Variants in AFAP1L2 observed in about 807,000 individuals in gnomAD.
The protein encoded by AFAP1L2 is actin filament-associated protein 1-like 2.
Under a neutral mutation model 99.3 loss-of-function variants are expected in AFAP1L2, and 46 were observed. That is an observed-to-expected ratio of 0.46 (90% CI 0.37 to 0.59). The LOEUF (loss-of-function observed/expected upper bound fraction) is 0.59, where lower values mean the gene tolerates loss of function less well. Among genes scored for constraint, AFAP1L2 ranks in the 20% least tolerant of loss-of-function variants. The pLI is 0.00. For synonymous variants in AFAP1L2, 397 were observed against 419.1 expected (o/e 0.95, Z 0.64); for missense variants, 959 against 1,034.9 (o/e 0.93, Z 1.01).
At chr10:114,384,112 C>T (rs930074591) in intron 1 of AFAP1L2, among the ~76,000 whole-genome samples, 27 of 152,186 alleles carry the variant, frequency 1.8e-4, no homozygotes, top group Admixed American at 1.6e-3. Context: ...GTGACAACTG[C>T]AGAGGGTTTT....
intron 4 of AFAP1L2, among the ~76,000 whole-genome samples, chr10:114,325,391 C>T (rs945140765): frequency 6.6e-6 from 1 of 152,146 alleles, no homozygotes; most frequent in Admixed American, 6.5e-5. Context: ...CGAAGAGGAT[C>T]GACCCTGTCG....
chr10:114,285,883 A>C, the AFAP1L2 span: 1 of 1,495,868 alleles, frequency 6.7e-7, no homozygotes, highest in Non-Finnish European at 9.0e-7. Context: ...CGGGTGGGAC[A>C]GCTCGCATGC....
chr10:114,302,210 A>G lies in AFAP1L2; in HGVS notation c.1430+129T>C, dbSNP rs758583704. On this transcript the variant is annotated intron_variant, in intron 12 of 18. Transcript: ENST00000304129. ...CCTGAGGGCTACTCCTTGGCTTCACATTTTCCTGCTGCTGGGCAGAGTGGG... is the reference window on the plus strand; with the variant it reads ...CCTGAGGGCTACTCCTTGGCTTCACGTTTTCCTGCTGCTGGGCAGAGTGGG... The G allele has an allele frequency of 3.1e-5, 42 of 1,369,722 alleles. 1 individual carries two copies. The highest frequency in any genetic ancestry group is 3.8e-5 in the Non-Finnish European group (38 of 989,820). The allele number at this position is 1,369,722 out of a possible 1,614,324, so 84.8% of individuals were successfully genotyped here.
intron 3 of AFAP1L2, 112 bp from the exon 4 acceptor site, chr10:114,332,009 T>A: frequency 1.5e-6 from 1 of 659,432 alleles, no homozygotes. Context: ...TTTGAGCAGG[T>A]GTTAATTACC....
At chr10:114,288,094 C>T in the AFAP1L2 span, among the ~76,000 whole-genome samples, 2 of 152,320 alleles carry the variant, frequency 1.3e-5, no homozygotes, top group South Asian at 2.1e-4. Flanking sequence ...CAAACTCCTT[C>T]CCCTGGCTTC....
At chr10:114,346,053 G>A (rs1310244782) in intron 1 of AFAP1L2, among the ~76,000 whole-genome samples, 1 of 152,210 alleles carries the variant, frequency 6.6e-6, no homozygotes, top group Non-Finnish European at 1.5e-5. Context: ...CAGCTCTTGG[G>A]TGCTGTCTGC....
chr10:114,384,899 GAATGATCAGGAAC>G (rs1171871256), intron 1 of AFAP1L2, among the ~76,000 whole-genome samples: 4 of 152,174 alleles, frequency 2.6e-5, no homozygotes, highest in Non-Finnish European at 4.4e-5. Context: ...AACCTCTTGG[GAATGATCAGGAAC>G]AAAGCAGATG....
At chr10:114,346,828 G>A (rs141363118) in intron 1 of AFAP1L2, among the ~76,000 whole-genome samples, 2,433 of 152,280 alleles carry the variant, frequency 0.016, 24 homozygotes, top group South Asian at 0.036. Flanking sequence ...GGGCTGGGCG[G>A]TTCAACTGCT....
intron 11 of AFAP1L2, among the ~76,000 whole-genome samples, chr10:114,303,301 C>G (rs2041550371): frequency 6.6e-6 from 1 of 152,090 alleles, no homozygotes; most frequent in African/African-American, 2.4e-5. Context: ...AGTTGGTTTC[C>G]TTTTCCCAGT....
intron 11 of AFAP1L2, 83 bp from the exon 12 acceptor site, chr10:114,302,567 C>T: frequency 6.4e-7 from 1 of 1,557,772 alleles, no homozygotes; most frequent in Non-Finnish European, 8.7e-7. Context: ...CATGACCGTA[C>T]CCCTACCCCT....
intron 1 of AFAP1L2, among the ~76,000 whole-genome samples, chr10:114,381,468 G>T (rs2055609894): frequency 6.6e-6 from 1 of 152,116 alleles, no homozygotes; most frequent in Non-Finnish European, 1.5e-5. Context: ...GAAATGAACT[G>T]TGATGATGGT....
intron 1 of AFAP1L2, chr10:114,398,775 G>A: frequency 7.9e-7 from 1 of 1,260,034 alleles, no homozygotes; most frequent in Non-Finnish European, 1.1e-6. Context: ...AGCATGGGCA[G>A]AGCCAGGTCT....
At chr10:114,397,023 G>A (rs2057784136) in intron 1 of AFAP1L2, among the ~76,000 whole-genome samples, 1 of 151,992 alleles carries the variant, frequency 6.6e-6, no homozygotes, top group Non-Finnish European at 1.5e-5. Flanking sequence ...TACAACCCAT[G>A]ATACCCAACC....
At chr10:114,312,234 AGTGTGTGT>A (rs58275552) in intron 7 of AFAP1L2, among the ~76,000 whole-genome samples, 7,820 of 145,492 alleles carry the variant, frequency 0.054, 240 homozygotes, top group Middle Eastern at 0.094. Flanking sequence ...GCAAGAGCAG[AGTGTGTGT>A]GTGTGTGTGT....
intron 3 of AFAP1L2, among the ~76,000 whole-genome samples, chr10:114,332,822 G>A (rs2047432649): frequency 6.6e-6 from 1 of 152,150 alleles, no homozygotes; most frequent in South Asian, 2.1e-4. Context: ...GACTATTAAG[G>A]CAGTTGCTGA....
chr10:114,366,146 A>G (rs2053215335), intron 1 of AFAP1L2, among the ~76,000 whole-genome samples: 1 of 152,208 alleles, frequency 6.6e-6, no homozygotes, highest in African/African-American at 2.4e-5. Flanking sequence ...TAGTGAGTAG[A>G]TTCATTAATT....
intron 1 of AFAP1L2, among the ~76,000 whole-genome samples, chr10:114,361,954 G>T (rs1432361580): frequency 6.6e-6 from 1 of 152,118 alleles, no homozygotes; most frequent in East Asian, 1.9e-4. Context: ...TGGATGGTAG[G>T]ATATTTTACT....
intron 4 of AFAP1L2, among the ~76,000 whole-genome samples, chr10:114,329,822 C>G (rs1037963739): frequency 4.6e-5 from 7 of 152,200 alleles, no homozygotes; most frequent in Non-Finnish European, 7.3e-5. Flanking sequence ...ACAACAACAA[C>G]AAAAACCTGC....
chr10:114,324,194 T>C (rs1427252419), intron 4 of AFAP1L2, among the ~76,000 whole-genome samples: 1 of 152,248 alleles, frequency 6.6e-6, no homozygotes, highest in Non-Finnish European at 1.5e-5. Context: ...ATTACTATTA[T>C]GACAGACAGG....
Sources: gnomAD v4.1 joint callset for allele counts (sites outside exome capture counted in the v4.1 genomes callset) on GRCh38, gnomAD v4.1.1 for gene constraint, MANE v1.5 for transcripts, NCBI Gene and HGNC (gene_info 2026-07-23, HGNC 2026-07-21) for gene names.